The following ROCK2 variants were observed in gnomAD, a reference collection of about 807,000 sequenced individuals.
ROCK2 encodes the protein rho-associated protein kinase 2.
In ROCK2, 61 loss-of-function variants were observed where a neutral mutation model predicts 195.1. The ratio of observed to expected loss-of-function variants is 0.31; its 90% CI spans 0.25 to 0.39. The LOEUF is 0.39. ROCK2 is among the 10% of genes least tolerant of loss of function. The pLI is 1.00. For missense variants in ROCK2, 1,109 were observed against 1,637.4 expected (o/e 0.68, Z 5.57); for synonymous variants, 504 against 545.5 (o/e 0.92, Z 1.06).
chr2:11,280,242 G>C (rs1370268913), intron 3 of ROCK2, among the ~76,000 whole-genome samples: 2 of 152,172 alleles, frequency 1.3e-5, no homozygotes, highest in East Asian at 3.9e-4. Context: ...TAAGGCTCTA[G>C]CCAGGTTGGC....
chr2:11,247,306 T>C (rs1665650445), intron 4 of ROCK2, among the ~76,000 whole-genome samples: 1 of 152,184 alleles, frequency 6.6e-6, no homozygotes, highest in African/African-American at 2.4e-5. Context: ...TACAACTCTG[T>C]GAAAATATTC....
Position 11,181,209 on chromosome 2 carries a change from T to TATATAC in ROCK2, c.*2227_*2228insGTATAT, listed in dbSNP as rs1292087793. ...ATATATATATATATATATATATATA[T>TATATAC]ACTCTCCAATTCAGAATAGGATAGA... On this transcript the variant is annotated 3_prime_UTR_variant, in exon 33 of 33. Coordinates refer to ENST00000315872, the MANE Select transcript of ROCK2 (RefSeq NM_004850.5). 1.4e-5 allele frequency: 2 copies of TATATAC among 141,138 alleles called. No homozygotes were observed. The highest frequency in any genetic ancestry group is 4.4e-4 in the South Asian group (2 of 4,532). The allele number at this position is 141,138 out of a possible 1,614,324, so 8.7% of individuals were successfully genotyped here. A position where few individuals can be genotyped will look rare whatever the true frequency, so the allele number is the denominator to read the frequency against.
At chr2:11,325,246 T>C (rs1229866721) in intron 1 of ROCK2, among the ~76,000 whole-genome samples, 1 of 152,228 alleles carries the variant, frequency 6.6e-6, no homozygotes, top group Non-Finnish European at 1.5e-5. Flanking sequence ...TTTTTGTGTA[T>C]GTGGTTCTGG....
rs57678031 is a variant in ROCK2, at chr2:11,255,928, CAAAAAAAAAA to C, written c.325-6140_325-6131del. On this transcript the variant is annotated intron_variant, in intron 3 of 32. Coordinates refer to ENST00000315872, the MANE Select transcript of ROCK2 (RefSeq NM_004850.5). Reference sequence around the variant, plus strand: ...TGGATGAGAGAGTATGACTCCATCTCAAAAAAAAAAAAAAAAAAAAAAAAAAGGAAACTAT... The same window carrying C: ...TGGATGAGAGAGTATGACTCCATCTCAAAAAAAAAAAAAAAAGGAAACTAT... Among the ~76,000 whole-genome samples the C allele has an allele frequency of 2.6e-3, 85 of 33,074 alleles. 2 individuals are homozygous for C. The highest frequency in any genetic ancestry group is 0.011 in the African/African-American group (80 of 7,610). 21.7% of individuals were successfully genotyped at this position (33,074 alleles called of 152,430 possible).
intron 3 of ROCK2, among the ~76,000 whole-genome samples, chr2:11,270,387 G>A (rs1393508261): frequency 6.6e-6 from 1 of 152,090 alleles, no homozygotes; most frequent in Non-Finnish European, 1.5e-5. Context: ...TTCTGGATCT[G>A]TGGTTTGGTG....
At chr2:11,322,484 T>C (rs959276062) in intron 1 of ROCK2, among the ~76,000 whole-genome samples, 4 of 151,864 alleles carry the variant, frequency 2.6e-5, no homozygotes, top group Admixed American at 1.3e-4. Flanking sequence ...ATTCATGTCA[T>C]GAATGCATTA....
rs1201147579 is a variant in ROCK2 at position 11,236,030 on chromosome 2, T to A, written c.463-68A>T. 1.0e-5 allele frequency: 14 copies of A among 1,342,388 alleles called. No homozygotes were observed. The East Asian group carries it at 3.5e-4, about 33-fold the overall frequency. The allele number at this position is 1,342,388 out of a possible 1,614,324, so 83.2% of individuals were successfully genotyped here. A position where few individuals can be genotyped will look rare whatever the true frequency, so the allele number is the denominator to read the frequency against. ...CCAAAAATCATAATCAGAACAAAAA[T>A]TTAAAAAACTATTATTACTATTGAA... On this transcript the variant is annotated intron_variant, in intron 4 of 32. Coordinates refer to ENST00000315872, the MANE Select transcript of ROCK2 (RefSeq NM_004850.5).
Position 11,330,386 on chromosome 2 carries a change from C to T in ROCK2, c.141+13610G>A, listed in dbSNP as rs547320822. ...AGCCATGAGATAAAAATCCCACAAA[C>T]TATAACTCTAAAACAACAAAGTTAT... On this transcript the variant is annotated intron_variant, in intron 1 of 32. Transcript: ENST00000315872. 2.2e-4 allele frequency among the ~76,000 whole-genome samples: 33 copies of T among 152,290 alleles called. No homozygotes were observed. In the South Asian group the frequency reaches 5.2e-3, roughly 24 times the overall value.
At chr2:11,340,877 ACT>A (rs760897792) in intron 1 of ROCK2, among the ~76,000 whole-genome samples, 6 of 152,306 alleles carry the variant, frequency 3.9e-5, no homozygotes, top group Non-Finnish European at 8.8e-5. Flanking sequence ...GGTTATTGTG[ACT>A]GTTTACTCTT....
intron 23 of ROCK2, 44 bp from the exon 24 acceptor site, chr2:11,198,818 C>T (rs1239994130): frequency 7.5e-6 from 8 of 1,061,752 alleles, no homozygotes; most frequent in Non-Finnish European, 1.1e-5. Context: ...CCAATTTACA[C>T]AATTTATGTT....
At chr2:11,195,199 T>G in intron 27 of ROCK2, 174 bp from the exon 28 acceptor site, 1 of 375,978 alleles carries the variant, frequency 2.7e-6, no homozygotes, top group East Asian at 3.9e-5. Context: ...TAAAAAGTTA[T>G]GCAATGCAAA....
At chr2:11,308,099 G>A (rs1212770708) in intron 1 of ROCK2, 1 of 1,610,940 alleles carries the variant, frequency 6.2e-7, no homozygotes, top group East Asian at 2.2e-5. Flanking sequence ...GCGACTCTTG[G>A]GGCCAGCTGG....
chr2:11,253,399 T>C (rs1396103147), intron 3 of ROCK2, among the ~76,000 whole-genome samples: 1 of 152,162 alleles, frequency 6.6e-6, no homozygotes, highest in African/African-American at 2.4e-5. Flanking sequence ...ATTCAACCTC[T>C]CCCATAAGGA....
At chr2:11,263,565 T>C (rs1165406367) in intron 3 of ROCK2, among the ~76,000 whole-genome samples, 2 of 150,144 alleles carry the variant, frequency 1.3e-5, no homozygotes, top group Non-Finnish European at 3.0e-5. Context: ...CCAAAAGTAC[T>C]TGAAAGACAC....
At chr2:11,239,773 C>T (rs866998991) in intron 4 of ROCK2, among the ~76,000 whole-genome samples, 3 of 152,282 alleles carry the variant, frequency 2.0e-5, no homozygotes, top group Middle Eastern at 6.8e-3. Flanking sequence ...CAGTCTTCTA[C>T]AAAATTTCCC....
In ROCK2 at chr2:11,308,647, G is replaced by A. The variant is rs976948699; in HGVS notation, c.142-20911C>T. 1.0e-5 allele frequency: 15 copies of A among 1,445,900 alleles called. No homozygotes were observed. In the Admixed American group the frequency reaches 2.5e-4, roughly 24 times the overall value. The allele number at this position is 1,445,900 out of a possible 1,614,324, so 89.6% of individuals were successfully genotyped here. ...TAACTCCTGTGCAAGATACTCCTGT[G>A]GCTTCAAGAAAAGAAGATACATATG... On this transcript the variant is annotated intron_variant, in intron 1 of 32. Coordinates refer to ENST00000315872, the MANE Select transcript of ROCK2 (RefSeq NM_004850.5).
At chr2:11,187,029 A>T (rs1663225316) in intron 32 of ROCK2, among the ~76,000 whole-genome samples, 1 of 152,236 alleles carries the variant, frequency 6.6e-6, no homozygotes, top group Admixed American at 6.5e-5. Context: ...ATTGTCAAAG[A>T]TGCTTTGGAA....
At chr2:11,231,636 C>G (rs1056120104) in intron 5 of ROCK2, among the ~76,000 whole-genome samples, 8 of 151,990 alleles carry the variant, frequency 5.3e-5, no homozygotes, top group Non-Finnish European at 1.2e-4. Context: ...TGAGACACAT[C>G]TACATATAAA....
At chr2:11,187,351 T>C (rs1368315739) in intron 32 of ROCK2, among the ~76,000 whole-genome samples, 1 of 152,166 alleles carries the variant, frequency 6.6e-6, no homozygotes, top group Non-Finnish European at 1.5e-5. Flanking sequence ...GGGATGTGAG[T>C]CATCCCTTTG....
Sources: gnomAD v4.1 joint callset for allele counts (sites outside exome capture counted in the v4.1 genomes callset) on GRCh38, gnomAD v4.1.1 for gene constraint, MANE v1.5 for transcripts, NCBI Gene and HGNC (gene_info 2026-07-23, HGNC 2026-07-21) for gene names.